Variants in SGCZ observed in about 807,000 individuals in gnomAD.
The protein encoded by SGCZ is sarcoglycan zeta.
In SGCZ, 40 loss-of-function variants were observed where a neutral mutation model predicts 41.3. The ratio of observed to expected loss-of-function variants is 0.97; its 90% confidence interval spans 0.75 to 1.26. The LOEUF is 1.26. Ranked by LOEUF, SGCZ falls within the 50% of genes most tolerant of loss-of-function variation. The pLI is 0.00. For synonymous variants in SGCZ, 206 were observed against 137.5 expected (o/e 1.50, Z -3.49); for missense variants, 552 against 369.8 (o/e 1.49, Z -4.04).
intron 3 of SGCZ, among the ~76,000 whole-genome samples, chr8:14,284,251 G>C (rs1003887934): frequency 2.0e-5 from 3 of 152,160 alleles, no homozygotes; most frequent in Non-Finnish European, 4.4e-5. Flanking sequence ...AGTTCGCCAA[G>C]GGTGGTGGTA....
chr8:14,147,002 G>C (rs545855860), intron 5 of SGCZ, among the ~76,000 whole-genome samples: 2 of 150,652 alleles, frequency 1.3e-5, no homozygotes, highest in South Asian at 2.1e-4. Context: ...CCAAGGCTTA[G>C]AGTTTTGAGT....
intron 1 of SGCZ, among the ~76,000 whole-genome samples, chr8:14,892,100 A>C (rs147780679): frequency 6.6e-6 from 1 of 152,162 alleles, no homozygotes; most frequent in East Asian, 1.9e-4. Flanking sequence ...TTACAATCAC[A>C]ATTTATTACG....
intron 2 of SGCZ, among the ~76,000 whole-genome samples, chr8:14,539,568 AG>A (rs1803396993): frequency 6.6e-6 from 1 of 151,950 alleles, no homozygotes; most frequent in African/African-American, 2.4e-5. Flanking sequence ...TTTTAAGTTC[AG>A]GGGTACAAGT....
intron 1 of SGCZ, among the ~76,000 whole-genome samples, chr8:15,122,306 C>A (rs7846146): frequency 0.75 from 113,636 of 151,952 alleles, 44,048 homozygotes; most frequent in Non-Finnish European, 0.86. Flanking sequence ...AGGAATTTAG[C>A]CAAGCAAAAT....
intron 1 of SGCZ, among the ~76,000 whole-genome samples, chr8:14,985,058 G>C (rs963710586): frequency 2.0e-5 from 3 of 152,036 alleles, no homozygotes; most frequent in Non-Finnish European, 4.4e-5. Context: ...GCCAAGCTCT[G>C]TTTATTTGAA....
intron 1 of SGCZ, among the ~76,000 whole-genome samples, chr8:15,192,397 T>A (rs1361101921): frequency 2.0e-5 from 3 of 152,150 alleles, no homozygotes; most frequent in Admixed American, 1.3e-4. Context: ...TGCTGAAATA[T>A]AACAGTTTGT....
In SGCZ at chr8:15,042,824, G is replaced by A. The variant is rs149460103; in HGVS notation, c.39+194761C>T. On this transcript the variant is annotated intron_variant, in intron 1 of 7. Coordinates refer to ENST00000382080, the MANE Select transcript of SGCZ (RefSeq NM_139167.4). The stretch of plus-strand genomic sequence containing the variant: ...CATCAAACAAGAAGAGTTTTCGCTC[G>A]GTCAAACCCAGGCTTCCCACTTGCA... 3.4e-3 allele frequency among the ~76,000 whole-genome samples: 521 copies of A among 152,162 alleles called. 12 individuals carry two copies. The highest frequency in any genetic ancestry group is 0.028 in the Admixed American group (430 of 15,280).
intron 1 of SGCZ, among the ~76,000 whole-genome samples, chr8:15,028,583 T>C (rs541693314): frequency 6.6e-6 from 1 of 152,128 alleles, no homozygotes; most frequent in Non-Finnish European, 1.5e-5. Flanking sequence ...TAAGGAACAC[T>C]ATCCAGATAA....
chr8:14,927,365 T>A (rs1384824646), intron 1 of SGCZ, among the ~76,000 whole-genome samples: 1 of 152,100 alleles, frequency 6.6e-6, no homozygotes, highest in Non-Finnish European at 1.5e-5. Flanking sequence ...CGCCTCGGCC[T>A]CCCAAAGTGC....
chr8:14,106,526 G>GTTGT lies in SGCZ; in HGVS notation c.620+1633_620+1636dup, dbSNP rs531965835. Among the ~76,000 whole-genome samples, 171 of 152,234 alleles carry GTTGT rather than the reference G, an allele frequency of 1.1e-3. 3 individuals are homozygous for GTTGT. Among genetic ancestry groups the GTTGT allele is most frequent in the African/African-American group, 3.7e-3 (154 of 41,538 alleles). On this transcript the variant is annotated intron_variant, in intron 6 of 7. Transcript: ENST00000382080. ...TGTTACTCAAGTAGTGAGAAACTGA[G>GTTGT]TTGTTTAGGAAATTTTATCATAGGA... is the stretch of plus-strand genomic sequence containing the variant.
chr8:14,764,089 A>C (rs775932218), intron 1 of SGCZ, among the ~76,000 whole-genome samples: 75 of 152,330 alleles, frequency 4.9e-4, no homozygotes, highest in Non-Finnish European at 8.7e-4. Flanking sequence ...TCAGGAAAAA[A>C]GGAAATGCTT....
chr8:14,099,279 C>G (rs1801938331), intron 7 of SGCZ, among the ~76,000 whole-genome samples: 2 of 152,146 alleles, frequency 1.3e-5, no homozygotes, highest in Non-Finnish European at 2.9e-5. Flanking sequence ...TCAATATTGT[C>G]TTATAAACCA....
At chr8:15,088,236 A>G (rs2131057740) in intron 1 of SGCZ, among the ~76,000 whole-genome samples, 1 of 152,326 alleles carries the variant, frequency 6.6e-6, no homozygotes, top group African/African-American at 2.4e-5. Context: ...CTACATTTAC[A>G]CACGCAGTAA....
intron 5 of SGCZ, among the ~76,000 whole-genome samples, chr8:14,122,048 G>A (rs1238522288): frequency 6.6e-6 from 1 of 152,178 alleles, no homozygotes; most frequent in Non-Finnish European, 1.5e-5. Flanking sequence ...GGAGGCCGAG[G>A]CGGGCAGATC....
chr8:14,174,186 A>G (rs2117006879), intron 4 of SGCZ, among the ~76,000 whole-genome samples: 1 of 152,258 alleles, frequency 6.6e-6, no homozygotes, highest in East Asian at 1.9e-4. Context: ...AATCTTTAAA[A>G]AGAACAAAAT....
intron 3 of SGCZ, among the ~76,000 whole-genome samples, chr8:14,277,734 CT>C (rs1473128154): frequency 1.3e-5 from 2 of 152,106 alleles, no homozygotes; most frequent in Non-Finnish European, 2.9e-5. Flanking sequence ...TCCTAATCTT[CT>C]CTTGTTTCTT....
chr8:14,351,831 A>C (rs936770278), intron 2 of SGCZ, among the ~76,000 whole-genome samples: 1 of 152,048 alleles, frequency 6.6e-6, no homozygotes, highest in Non-Finnish European at 1.5e-5. Flanking sequence ...TTATCTCAAG[A>C]ATAGGCATAA....
At chr8:14,581,913 T>C (rs1357168186) in intron 1 of SGCZ, among the ~76,000 whole-genome samples, 2 of 152,156 alleles carry the variant, frequency 1.3e-5, no homozygotes, top group Non-Finnish European at 2.9e-5. Context: ...AAGCAGACTT[T>C]TTCACTAAAA....
At chr8:14,553,122 C>T (rs145366874) in intron 2 of SGCZ, among the ~76,000 whole-genome samples, 123 of 152,020 alleles carry the variant, frequency 8.1e-4, no homozygotes, top group African/African-American at 2.9e-3. Flanking sequence ...TTGCTCCTAC[C>T]ATACGATAAA....
Sources: allele counts gnomAD v4.1 joint callset (sites outside exome capture counted in the v4.1 genomes callset), GRCh38; gene constraint gnomAD v4.1.1; transcripts MANE v1.5; gene names NCBI Gene and HGNC (gene_info 2026-07-23, HGNC 2026-07-21).